The following PLCL1 variants were observed in gnomAD, a reference collection of about 807,000 sequenced individuals.
PLCL1 encodes inactive phospholipase C-like protein 1.
In PLCL1, 41 loss-of-function variants were observed where a neutral mutation model predicts 84.4. The observed-to-expected ratio is 0.49, with a 90% CI of 0.38 to 0.63. The LOEUF (loss-of-function observed/expected upper bound fraction) is 0.63, where lower values mean the gene tolerates loss of function less well. PLCL1 is among the 30% of genes least tolerant of loss of function. The pLI, the probability that PLCL1 is intolerant of heterozygous loss-of-function variation, is 0.00. For synonymous variants in PLCL1, 490 were observed against 488.3 expected, an observed-to-expected ratio of 1.00 and a Z score of -0.05; for missense variants, 1,206 against 1,367.8, an observed-to-expected ratio of 0.88 and a Z score of 1.87.
intron 1 of PLCL1, among the ~76,000 whole-genome samples, chr2:198,064,983 A>G (rs919670091): frequency 3.3e-5 from 5 of 152,112 alleles, no homozygotes. Flanking sequence ...AATAAGACTG[A>G]GGGGCAGCTA....
Position 197,900,423 on chromosome 2 carries a change from T to C in PLCL1, c.240+95084T>C, listed in dbSNP as rs540178629. On this transcript the variant is annotated intron_variant, in intron 1 of 5. Coordinates refer to ENST00000428675, the MANE Select transcript of PLCL1 (RefSeq NM_006226.4). Reference sequence around the variant, plus strand: ...GGACTGAGAAGAAATAAAGTGAATCTTGGGAAAATTAAGAAAAGAATAAGA... The same window carrying C: ...GGACTGAGAAGAAATAAAGTGAATCCTGGGAAAATTAAGAAAAGAATAAGA... Among the ~76,000 whole-genome samples the C allele has an allele frequency of 1.6e-4, 24 of 152,320 alleles. No homozygotes were observed. The South Asian group carries it at 4.8e-3, about 30-fold the overall frequency.
intron 1 of PLCL1, among the ~76,000 whole-genome samples, chr2:197,810,508 T>C (rs945470906): frequency 6.6e-6 from 1 of 152,258 alleles, no homozygotes; most frequent in Non-Finnish European, 1.5e-5. Flanking sequence ...GACTGAATAG[T>C]GTTTTCCCAA....
chr2:198,086,210 T>C lies in PLCL1; in HGVS notation c.2693T>C (p.Ile898Thr), dbSNP rs770796285. 74 of 1,610,106 alleles carry C rather than the reference T, an allele frequency of 4.6e-5. No individual in the cohort carries two copies. The highest frequency in any genetic ancestry group is 5.1e-5 in the Non-Finnish European group (60 of 1,177,308). The change falls in exon 2 of 6, where the codon ATA (isoleucine) becomes ACA (threonine). Residue 898 changes from isoleucine to threonine, a missense_variant. Transcript: ENST00000428675. ...GCGGTTCATCCATTACGAGAAGCCA[T>C]AGATATGAGAGAAAATATGCAGGTA... ...KIAVHPLREA[I>T]DMRENMQNAI... is the part of the protein sequence containing the mutation.
intron 1 of PLCL1, among the ~76,000 whole-genome samples, chr2:197,901,892 C>T (rs1056520859): frequency 6.6e-6 from 1 of 152,090 alleles, no homozygotes; most frequent in Non-Finnish European, 1.5e-5. Context: ...TCCAAGTGTT[C>T]TTTCTTGCCC....
intron 1 of PLCL1, among the ~76,000 whole-genome samples, chr2:198,075,456 G>A (rs1692556471): frequency 6.6e-6 from 1 of 152,212 alleles, no homozygotes; most frequent in Non-Finnish European, 1.5e-5. Context: ...CGCATTGCAT[G>A]CAGCAGTGGG....
intron 1 of PLCL1, among the ~76,000 whole-genome samples, chr2:197,960,681 G>A (rs1256261550): frequency 3.3e-5 from 5 of 152,080 alleles, no homozygotes; most frequent in African/African-American, 4.8e-5. Flanking sequence ...TTTACCATCT[G>A]TGCAGTATGA....
chr2:198,137,688 G>T (rs1201592607), intron 5 of PLCL1, among the ~76,000 whole-genome samples: 1 of 152,152 alleles, frequency 6.6e-6, no homozygotes, highest in Non-Finnish European at 1.5e-5. Flanking sequence ...GCAAATCATT[G>T]CTTTCTTGTT....
At chr2:197,947,161 A>G (rs1052108382) in intron 1 of PLCL1, among the ~76,000 whole-genome samples, 1 of 151,750 alleles carries the variant, frequency 6.6e-6, no homozygotes, top group Non-Finnish European at 1.5e-5. Context: ...AATTTAAAAA[A>G]TTAAGAATTT....
At chr2:198,086,892 A>G (rs1220803845) in intron 2 of PLCL1, among the ~76,000 whole-genome samples, 1 of 152,230 alleles carries the variant, frequency 6.6e-6, no homozygotes, top group Admixed American at 6.5e-5. Context: ...AAACATACAC[A>G]TACTAATTAC....
intron 1 of PLCL1, among the ~76,000 whole-genome samples, chr2:197,883,277 G>T (rs1359391978): frequency 6.6e-6 from 1 of 152,130 alleles, no homozygotes; most frequent in African/African-American, 2.4e-5. Flanking sequence ...CCTATTGTCA[G>T]CCTGACCATA....
chr2:198,026,540 T>C (rs1164026081), intron 1 of PLCL1, among the ~76,000 whole-genome samples: 4 of 152,182 alleles, frequency 2.6e-5, no homozygotes, highest in Non-Finnish European at 4.4e-5. Flanking sequence ...GATTTCTAGA[T>C]TGTAAATTGT....
At chr2:197,929,888 A>G (rs1170960219) in intron 1 of PLCL1, among the ~76,000 whole-genome samples, 2 of 152,218 alleles carry the variant, frequency 1.3e-5, no homozygotes, top group Non-Finnish European at 2.9e-5. Context: ...AAACAAAAAT[A>G]ACATACTTAA....
intron 1 of PLCL1, among the ~76,000 whole-genome samples, chr2:197,979,120 T>G (rs1250630657): frequency 6.6e-6 from 1 of 152,178 alleles, no homozygotes; most frequent in Non-Finnish European, 1.5e-5. Flanking sequence ...TTTTCCATTT[T>G]CCTGACCTAT....
At chr2:198,059,116 G>T (rs760170239) in intron 1 of PLCL1, among the ~76,000 whole-genome samples, 4 of 152,074 alleles carry the variant, frequency 2.6e-5, no homozygotes, top group African/African-American at 7.2e-5. Context: ...GGATAAGCAG[G>T]TTCCCTATTC....
At chr2:197,825,002 C>CT (rs894176569) in intron 1 of PLCL1, among the ~76,000 whole-genome samples, 11 of 151,594 alleles carry the variant, frequency 7.3e-5, no homozygotes, top group Non-Finnish European at 1.3e-4. Context: ...GCAATATTGC[C>CT]TTTTTTTTCT....
intron 1 of PLCL1, among the ~76,000 whole-genome samples, chr2:197,953,575 T>C (rs994809726): frequency 2.0e-5 from 3 of 152,046 alleles, no homozygotes; most frequent in African/African-American, 7.2e-5. Context: ...GGTTGAGTTA[T>C]TGATTGAGAA....
At chr2:197,954,177 A>G (rs1412329213) in intron 1 of PLCL1, among the ~76,000 whole-genome samples, 2 of 152,150 alleles carry the variant, frequency 1.3e-5, no homozygotes, top group Admixed American at 6.6e-5. Context: ...ATGTTTTTCC[A>G]TACCAGCTAA....
intron 1 of PLCL1, among the ~76,000 whole-genome samples, chr2:197,906,736 C>T (rs558887629): frequency 2.0e-5 from 3 of 152,176 alleles, no homozygotes; most frequent in Admixed American, 6.5e-5. Context: ...CTCTTATTTC[C>T]TTGAACAGTG....
chr2:198,084,418 G>C lies in PLCL1; in HGVS notation c.901G>C (p.Glu301Gln). ...KEKLTTRVTE[E>Q]EFCEAFCELC... is the part of the protein sequence containing the mutation. ...AAAACTAACCACCCGCGTGACCGAA[G>C]AGGAATTTTGTGAAGCTTTTTGTGA... The change falls in exon 2 of 6, where the codon GAG becomes CAG. Residue 301 changes from glutamate (E) to glutamine (Q), a missense_variant. Physicochemically the swap from Glu to Gln is conservative, Grantham distance 29. Transcript: ENST00000428675. The C allele has an allele frequency of 6.2e-7, 1 of 1,614,162 alleles. No homozygotes were observed. The highest frequency in any genetic ancestry group is 8.5e-7 in the Non-Finnish European group (1 of 1,179,994).
Sources: allele counts gnomAD v4.1 joint callset (sites outside exome capture counted in the v4.1 genomes callset), GRCh38; gene constraint gnomAD v4.1.1; transcripts MANE v1.5; gene names NCBI Gene and HGNC (gene_info 2026-07-23, HGNC 2026-07-21).